Variants in CEP250 observed in about 807,000 individuals in gnomAD.
CEP250 encodes the protein centrosomal protein 250, also known as centrosome-associated protein CEP250.
Under a neutral mutation model 315.7 loss-of-function variants are expected in CEP250, and 242 were observed. The observed-to-expected ratio is 0.77, with a 90% CI of 0.69 to 0.85. The LOEUF (loss-of-function observed/expected upper bound fraction) is 0.85, where lower values mean the gene tolerates loss of function less well. Among genes scored for constraint, CEP250 ranks in the 40% least tolerant of loss-of-function variants. The probability of loss-of-function intolerance (pLI) is 0.00; values close to 1 mark genes in which losing one functional copy is unlikely to be tolerated. For synonymous variants in CEP250, 1,088 were observed against 1,175.0 expected, an observed-to-expected ratio of 0.93 and a Z score of 1.51; for missense variants, 2,515 against 2,886.4, an observed-to-expected ratio of 0.87 and a Z score of 2.95.
intron 33 of CEP250, 95 bp from the exon 34 acceptor site, chr20:35,509,903 G>A: frequency 8.9e-7 from 1 of 1,127,006 alleles, no homozygotes. Flanking sequence ...CCTTGCCCAG[G>A]CCCCTAAGAT....
At position 35,490,973 on chromosome 20, in the gene CEP250, C is replaced by T. The variant is rs565930656; in HGVS notation, c.2754+169C>T. ...GTGGTCCGCACCATTAGCCACAGTT[C>T]CGGCAGTATGTCATACTTCCTGAGG... On this transcript the variant is annotated intron_variant, in intron 21 of 34. Coordinates refer to ENST00000397527, the MANE Select transcript of CEP250 (RefSeq NM_007186.6). 4.4e-5 allele frequency: 36 copies of T among 825,160 alleles called. No homozygotes were observed. The South Asian group carries it at 6.1e-4, about 14-fold the overall frequency. The allele number at this position is 825,160 out of a possible 1,614,324, so 51.1% of individuals were successfully genotyped here.
Position 35,511,354 on chromosome 20 carries a change from GCCCA to G in CEP250, c.7066-6_7066-3del. ...GCTCTCGCTTTTTTTTTTTTTTCCTGCCCACCAGGTGGTCCTGCTGCAAGCTCAG... is the reference window on the plus strand; with the variant it reads ...GCTCTCGCTTTTTTTTTTTTTTCCTGCCAGGTGGTCCTGCTGCAAGCTCAG... On this transcript the variant is annotated splice_region_variant and splice_polypyrimidine_tract_variant and intron_variant, in intron 34 of 34. Transcript: ENST00000397527. The G allele has an allele frequency of 6.6e-7, 1 of 1,522,370 alleles. No individual in the cohort carries two copies. The highest frequency in any genetic ancestry group is 8.8e-7 in the Non-Finnish European group (1 of 1,135,386). 94.3% of individuals were successfully genotyped at this position (1,522,370 alleles called of 1,614,324 possible).
At chr20:35,508,673 G>GC (rs1388700773) in intron 32 of CEP250, among the ~76,000 whole-genome samples, 1 of 152,166 alleles carries the variant, frequency 6.6e-6, no homozygotes, top group Non-Finnish European at 1.5e-5. Flanking sequence ...TCCCTGCTAT[G>GC]CCCCACAAAG....
chr20:35,490,307 C>T (rs1024404819), intron 20 of CEP250, among the ~76,000 whole-genome samples: 2 of 151,722 alleles, frequency 1.3e-5, no homozygotes, highest in African/African-American at 2.4e-5. Flanking sequence ...GGCAAGACTC[C>T]GTCTCCAAAA....
chr20:35,501,833 C>A lies in CEP250; in HGVS notation c.3899-12C>A. ...TCCACTACCTCTCCTCTCCTCTCCTCTCTTCTCAAAGAGAAATCTAAGTGG... is the reference window on the plus strand; with the variant it reads ...TCCACTACCTCTCCTCTCCTCTCCTATCTTCTCAAAGAGAAATCTAAGTGG... On this transcript the variant is annotated splice_polypyrimidine_tract_variant and intron_variant, in intron 28 of 34. Coordinates refer to ENST00000397527, the MANE Select transcript of CEP250 (RefSeq NM_007186.6). The A allele has an allele frequency of 6.9e-7, 1 of 1,440,648 alleles. No individual in the cohort carries two copies. The highest frequency in any genetic ancestry group is 2.6e-5 in the East Asian group (1 of 39,070). The allele number at this position is 1,440,648 out of a possible 1,614,324, so 89.2% of individuals were successfully genotyped here. A position where few individuals can be genotyped will look rare whatever the true frequency, so the allele number is the denominator to read the frequency against.
rs559722278 is a variant in CEP250 at position 35,504,668 on chromosome 20, A to T, written c.6299A>T (p.Gln2100Leu). The T allele has an allele frequency of 3.7e-6, 6 of 1,614,192 alleles. No individual in the cohort carries two copies. In the African/African-American group the frequency reaches 8.0e-5, roughly 22 times the overall value. ...RGLHQSVREL[Q>L]LTLAQKEQEI... ...CTTCATCAGAGTGTAAGGGAGCTAC[A>T]GCTGACTCTAGCCCAAAAGGAACAG... Residue 2100 changes from glutamine to leucine, a missense_variant, in exon 30 of 35, where the codon CAG becomes CTG. Gln to Leu is a moderately radical substitution (Grantham distance 113). Transcript: ENST00000397527.
At position 35,472,788 on chromosome 20, in the gene CEP250, C is replaced by T. The variant is rs745566467; in HGVS notation, c.1166C>T (p.Thr389Ile). 6.2e-7 allele frequency: 1 copy of T among 1,614,198 alleles called. No individual in the cohort carries two copies. Among genetic ancestry groups the T allele is most frequent in the Non-Finnish European group, 8.5e-7 (1 of 1,180,026 alleles). ...FDYQDADKAL[T>I]LVRSVLTRRR... ...TACCAGGATGCAGACAAGGCTCTTA[C>T]TCTGGTGCGTTCAGTGCTGACTCGG... Residue 389 changes from threonine (T) to isoleucine (I), a missense_variant, in exon 12 of 35, where the codon ACT becomes ATT. Coordinates refer to ENST00000397527, the MANE Select transcript of CEP250 (RefSeq NM_007186.6).
intron 32 of CEP250, 103 bp from the exon 33 acceptor site, chr20:35,508,840 C>A: frequency 1.2e-6 from 1 of 862,164 alleles, no homozygotes; most frequent in Non-Finnish European, 1.8e-6. Context: ...GGTTACTGTC[C>A]CCTCATATAC....
chr20:35,464,598 C>T (rs976551414), intron 5 of CEP250, among the ~76,000 whole-genome samples: 2 of 152,144 alleles, frequency 1.3e-5, no homozygotes, highest in South Asian at 2.1e-4. Flanking sequence ...GCATCTGGCC[C>T]GAACTCACTG....
At chr20:35,492,176 C>G (rs576481561) in intron 22 of CEP250, among the ~76,000 whole-genome samples, 440 of 152,222 alleles carry the variant, frequency 2.9e-3, no homozygotes, top group African/African-American at 9.8e-3. Flanking sequence ...AAGAAACCAG[C>G]TCCGTGATAC....
At chr20:35,505,102 G>A (rs1016361412) in intron 30 of CEP250, 97 bp downstream of exon 30, 1 of 1,050,934 alleles carries the variant, frequency 9.5e-7, no homozygotes, top group Non-Finnish European at 1.4e-6. Flanking sequence ...GCACCTCAGG[G>A]GTATGAGAAA....
chr20:35,487,950 T>C (rs1316596907), intron 20 of CEP250, among the ~76,000 whole-genome samples: 2 of 152,226 alleles, frequency 1.3e-5, no homozygotes, highest in African/African-American at 4.8e-5. Context: ...TTTAGATAGA[T>C]CTAGTTATTA....
At chr20:35,465,716 A>C in intron 5 of CEP250, 27 bp from the exon 6 acceptor site, 3 of 1,543,494 alleles carry the variant, frequency 1.9e-6, no homozygotes, top group Non-Finnish European at 2.6e-6. Flanking sequence ...TTTGGAGGTA[A>C]GTAAGGCTTG....
In CEP250 at chr20:35,467,555, G is replaced by A. The variant is rs139021763; in HGVS notation, c.851G>A (p.Arg284Gln). The A allele has an allele frequency of 8.1e-5, 130 of 1,612,652 alleles. No individual in the cohort carries two copies. The Admixed American group carries it at 1.2e-3, about 14-fold the overall frequency. ...GDLEKAELQD[R>Q]VTELSALLTQ... ...CTGGAGAAGGCTGAACTTCAGGACC[G>A]GTGAGATGGCCTGGGGTCCCAAGAA... Residue 284 changes from arginine to glutamine, a missense_variant and splice_region_variant, in exon 9 of 35, where the codon CGG becomes CAG. Transcript: ENST00000397527.
At chr20:35,509,650 G>A in intron 33 of CEP250, among the ~76,000 whole-genome samples, 1 of 152,216 alleles carries the variant, frequency 6.6e-6, no homozygotes. Flanking sequence ...TCAAGGGCAG[G>A]CACCGTGTCT....
chr20:35,508,901 A>G, intron 32 of CEP250, 42 bp from the exon 33 acceptor site: 2 of 1,509,566 alleles, frequency 1.3e-6, no homozygotes, highest in East Asian at 2.5e-5. Flanking sequence ...CTCCAACCAC[A>G]GAGCCAAGCC....
intron 20 of CEP250, among the ~76,000 whole-genome samples, chr20:35,481,966 G>A (rs1045741959): frequency 1.3e-5 from 2 of 152,124 alleles, no homozygotes; most frequent in Admixed American, 1.3e-4. Flanking sequence ...CTCCCAAAGT[G>A]TTGGGATTAC....
Position 35,490,581 on chromosome 20 carries a change from C to T in CEP250, c.2587-56C>T, listed in dbSNP as rs1446385765. ...AGACTTTGTTTTTCCAATCCAGTAC[C>T]CCTGCCTCCCCTCCTCACCCATTTG... On this transcript the variant is annotated intron_variant, in intron 20 of 34. Transcript: ENST00000397527. 5 of 1,545,686 alleles carry T rather than the reference C, an allele frequency of 3.2e-6. No homozygotes were observed. The African/African-American group carries it at 5.5e-5, about 17-fold the overall frequency.
At chr20:35,490,901 G>T (rs2063669887) in intron 21 of CEP250, 97 bp downstream of exon 21, 1 of 1,414,960 alleles carries the variant, frequency 7.1e-7, no homozygotes, top group East Asian at 2.3e-5. Context: ...CTGCAGAGGG[G>T]CTTCCAGAAG....
Sources: allele counts gnomAD v4.1 joint callset (sites outside exome capture counted in the v4.1 genomes callset), GRCh38; gene constraint gnomAD v4.1.1; transcripts MANE v1.5; gene names NCBI Gene and HGNC (gene_info 2026-07-23, HGNC 2026-07-21).